The following POU2F1 variants were observed in gnomAD, a reference collection of about 807,000 sequenced individuals.
The protein encoded by POU2F1 is POU domain, class 2, transcription factor 1.
A neutral mutation model predicts 84.9 loss-of-function variants in POU2F1; 16 were observed. The ratio of observed to expected loss-of-function variants is 0.19; its 90% CI spans 0.13 to 0.29. The LOEUF (loss-of-function observed/expected upper bound fraction) is 0.29, where lower values mean the gene tolerates loss of function less well. Ranked by LOEUF, POU2F1 falls within the 10% of genes least tolerant of loss-of-function variation. POU2F1 has a pLI of 1.00. For missense variants in POU2F1, 738 were observed against 942.6 expected, an observed-to-expected ratio of 0.78 and a Z score of 2.84; for synonymous variants, 368 against 368.3, an observed-to-expected ratio of 1.00 and a Z score of 0.01.
intron 1 of POU2F1, among the ~76,000 whole-genome samples, chr1:167,282,086 C>G (rs1440720666): frequency 1.3e-5 from 2 of 151,940 alleles, no homozygotes; most frequent in Non-Finnish European, 2.9e-5. Context: ...TATTTTCATA[C>G]TTACTCCCTC....
intron 1 of POU2F1, among the ~76,000 whole-genome samples, chr1:167,285,315 C>T (rs1050960774): frequency 2.0e-5 from 3 of 152,190 alleles, no homozygotes; most frequent in African/African-American, 4.8e-5. Flanking sequence ...TATCTTAAGA[C>T]TATTTTTGGC....
intron 1 of POU2F1, among the ~76,000 whole-genome samples, chr1:167,300,901 G>T (rs1654648106): frequency 6.6e-6 from 1 of 152,120 alleles, no homozygotes; most frequent in Non-Finnish European, 1.5e-5. Context: ...CTCCTGAGTG[G>T]CTGGGATTAC....
rs1648507341 is a variant in POU2F1 at position 167,392,613 on chromosome 1, TTA to T, written c.987+2854_987+2855del. ...CATTTGACCCAACATATTGCCAGTG[TTA>T]TGTTTTTCTCTCCCTCCGCACATCT... On this transcript the variant is annotated intron_variant, in intron 9 of 15. Transcript: ENST00000367866. 2.6e-5 allele frequency among the ~76,000 whole-genome samples: 4 copies of T among 152,308 alleles called. No individual in the cohort carries two copies. The South Asian group carries it at 8.3e-4, about 32-fold the overall frequency.
In POU2F1 at chr1:167,334,263, C is replaced by T. The variant is rs528777782; in HGVS notation, c.127+1728C>T. On this transcript the variant is annotated intron_variant, in intron 2 of 15. Transcript: ENST00000367866. Reference sequence around the variant, plus strand: ...GCAACCTCTGCCTCCTGGGTTCAAGCGATTCTCCTGCCTCAGCCTCCGGAA... The same window carrying T: ...GCAACCTCTGCCTCCTGGGTTCAAGTGATTCTCCTGCCTCAGCCTCCGGAA... Among the ~76,000 whole-genome samples the T allele has an allele frequency of 2.7e-5, 4 of 146,118 alleles. No homozygotes were observed. In the Admixed American group the frequency reaches 2.9e-4, roughly 10 times the overall value.
intron 2 of POU2F1, among the ~76,000 whole-genome samples, chr1:167,356,484 G>A (rs1658943996): frequency 6.6e-6 from 1 of 152,128 alleles, no homozygotes; most frequent in Admixed American, 6.5e-5. Context: ...AGGCCTTGGA[G>A]TATGATAGAA....
At chr1:167,275,578 T>G (rs1256839073) in intron 1 of POU2F1, among the ~76,000 whole-genome samples, 1 of 152,098 alleles carries the variant, frequency 6.6e-6, no homozygotes, top group Non-Finnish European at 1.5e-5. Flanking sequence ...AGTGTTCGCT[T>G]GAGCACACAG....
chr1:167,358,215 G>A (rs1345988008), intron 2 of POU2F1, among the ~76,000 whole-genome samples: 2 of 139,348 alleles, frequency 1.4e-5, no homozygotes, highest in African/African-American at 5.5e-5. Context: ...TGCAACCTCT[G>A]CTTCCCAGGT....
At chr1:167,371,809 T>C in intron 4 of POU2F1, 108 bp from the exon 5 acceptor site, 1 of 1,477,272 alleles carries the variant, frequency 6.8e-7, no homozygotes, top group Non-Finnish European at 9.4e-7. Context: ...CCAGAACTCA[T>C]GACTGAATAA....
At chr1:167,244,106 C>T (rs1332703325) in intron 1 of POU2F1, among the ~76,000 whole-genome samples, 1 of 152,124 alleles carries the variant, frequency 6.6e-6, no homozygotes, top group Non-Finnish European at 1.5e-5. Context: ...AAAAGGCTTA[C>T]AGAGTCAAAT....
At chr1:167,377,022 T>G (rs559895660) in intron 7 of POU2F1, among the ~76,000 whole-genome samples, 6 of 152,288 alleles carry the variant, frequency 3.9e-5, no homozygotes, top group African/African-American at 9.6e-5. Flanking sequence ...GGAAAATACA[T>G]TCATAGGCTT....
intron 2 of POU2F1, among the ~76,000 whole-genome samples, chr1:167,344,795 A>T (rs1658083669): frequency 6.6e-6 from 1 of 152,146 alleles, no homozygotes; most frequent in Non-Finnish European, 1.5e-5. Flanking sequence ...AGGGCCTCCT[A>T]GTGAAGCAAT....
chr1:167,275,176 C>T (rs1180527159), intron 1 of POU2F1, among the ~76,000 whole-genome samples: 1 of 151,760 alleles, frequency 6.6e-6, no homozygotes, highest in African/African-American at 2.4e-5. Context: ...AGGCTTGCAC[C>T]ATCATGCCTG....
chr1:167,373,494 C>A (rs1660137529), intron 5 of POU2F1, among the ~76,000 whole-genome samples: 1 of 152,194 alleles, frequency 6.6e-6, no homozygotes, highest in African/African-American at 2.4e-5. Flanking sequence ...GAACGGCTAT[C>A]ACCACCTGTT....
At chr1:167,296,961 A>T (rs913818293) in intron 1 of POU2F1, among the ~76,000 whole-genome samples, 6 of 149,808 alleles carry the variant, frequency 4.0e-5, no homozygotes, top group African/African-American at 1.3e-4. Flanking sequence ...TGATTTTTTT[A>T]AAATTATAGG....
At chr1:167,328,326 G>A (rs1387515328) in intron 1 of POU2F1, among the ~76,000 whole-genome samples, 1 of 152,164 alleles carries the variant, frequency 6.6e-6, no homozygotes, top group Non-Finnish European at 1.5e-5. Context: ...TATACACCTT[G>A]CACTGCTTCT....
chr1:167,418,688 A>G lies in POU2F1; in HGVS notation c.*2878A>G, dbSNP rs1375264300. ...TTTTTCCCCACATATGGTTTAGAAA[A>G]TGATCCCTTTCCCAAACAAAACTCA... is the stretch of plus-strand genomic sequence containing the variant. On this transcript the variant is annotated 3_prime_UTR_variant, in exon 16 of 16. Transcript: ENST00000367866. The G allele has an allele frequency of 1.3e-5, 2 of 152,198 alleles. No individual in the cohort carries two copies. Among genetic ancestry groups the G allele is most frequent in the Non-Finnish European group, 2.9e-5 (2 of 68,036 alleles). 9.4% of individuals were successfully genotyped at this position (152,198 alleles called of 1,614,324 possible). A position where few individuals can be genotyped will look rare whatever the true frequency, so the allele number is the denominator to read the frequency against.
At chr1:167,387,670 G>T (rs1293217662) in intron 8 of POU2F1, among the ~76,000 whole-genome samples, 1 of 152,130 alleles carries the variant, frequency 6.6e-6, no homozygotes, top group East Asian at 1.9e-4. Flanking sequence ...TGTAATTCTG[G>T]TTTATAATCG....
chr1:167,366,014 C>T (rs1158666298), intron 3 of POU2F1, among the ~76,000 whole-genome samples: 1 of 152,204 alleles, frequency 6.6e-6, no homozygotes, highest in Non-Finnish European at 1.5e-5. Flanking sequence ...TTTTGCTTGA[C>T]TGTGACCCCC....
At chr1:167,397,875 A>G in intron 10 of POU2F1, 119 bp from the exon 11 acceptor site, 1 of 1,098,644 alleles carries the variant, frequency 9.1e-7, no homozygotes, top group Non-Finnish European at 1.3e-6. Flanking sequence ...AGGTTATGTG[A>G]AAACCTTTTC....
Sources: gnomAD v4.1 joint callset for allele counts (sites outside exome capture counted in the v4.1 genomes callset) on GRCh38, gnomAD v4.1.1 for gene constraint, MANE v1.5 for transcripts, NCBI Gene and HGNC (gene_info 2026-07-23, HGNC 2026-07-21) for gene names.